The following RBFOX2 variants were observed in gnomAD, a reference collection of about 807,000 sequenced individuals.
The protein encoded by RBFOX2 is RNA binding fox-1 homolog 2.
In RBFOX2, 10 loss-of-function variants were observed where a neutral mutation model predicts 49.1. The observed-to-expected ratio is 0.20, with a 90% CI of 0.13 to 0.35. The LOEUF (loss-of-function observed/expected upper bound fraction) is 0.35, where lower values mean the gene tolerates loss of function less well. RBFOX2 is among the 10% of genes least tolerant of loss of function. The pLI is 1.00. For missense variants in RBFOX2, 323 were observed against 486.9 expected (o/e 0.66, Z 3.17); for synonymous variants, 183 against 187.4 (o/e 0.98, Z 0.19).
chr22:35,808,219 C>G (rs775662464), intron 2 of RBFOX2, among the ~76,000 whole-genome samples: 40 of 152,264 alleles, frequency 2.6e-4, no homozygotes, highest in Non-Finnish European at 5.1e-4. Flanking sequence ...TCAGCCTGTA[C>G]GTTTATGATT....
chr22:35,830,281 C>T (rs548619989), intron 1 of RBFOX2, among the ~76,000 whole-genome samples: 6 of 152,252 alleles, frequency 3.9e-5, no homozygotes, highest in Non-Finnish European at 8.8e-5. Context: ...AATTATAGTA[C>T]CATATAAGCT....
At position 35,825,919 on chromosome 22, in the gene RBFOX2, T is replaced by C. The variant is rs1357090838; in HGVS notation, c.27+14273A>G. On this transcript the variant is annotated intron_variant, in intron 1 of 11. Transcript: ENST00000405409. ...ATCACTTGAACCCGGGAGGTGGAGG[T>C]TGCAGTGAGCCACGATCTCACCATT... Among the ~76,000 whole-genome samples, 4 of 146,018 alleles carry C rather than the reference T, an allele frequency of 2.7e-5. No individual in the cohort carries two copies. The South Asian group carries it at 6.5e-4, about 24-fold the overall frequency.
At chr22:35,762,652 C>T (rs1228135889) in intron 6 of RBFOX2, among the ~76,000 whole-genome samples, 5 of 151,700 alleles carry the variant, frequency 3.3e-5, no homozygotes, top group African/African-American at 9.7e-5. Flanking sequence ...ACTACAGGCA[C>T]GTGCCACCAT....
At chr22:35,856,144 C>T (rs1331669098) in intron 1 of RBFOX2, among the ~76,000 whole-genome samples, 1 of 152,092 alleles carries the variant, frequency 6.6e-6, no homozygotes, top group Non-Finnish European at 1.5e-5. Context: ...TAGAAATAGA[C>T]CTCGTATTTA....
At chr22:36,026,659 A>C (rs2059451482) in intron 1 of RBFOX2, among the ~76,000 whole-genome samples, 1 of 152,120 alleles carries the variant, frequency 6.6e-6, no homozygotes, top group Non-Finnish European at 1.5e-5. Context: ...AGTCTCCCAC[A>C]TTCCTGTCTT....
At chr22:35,774,874 A>G (rs1231305953) in intron 4 of RBFOX2, among the ~76,000 whole-genome samples, 1 of 152,180 alleles carries the variant, frequency 6.6e-6, no homozygotes, top group African/African-American at 2.4e-5. Context: ...CTTTGGAACA[A>G]TTTGATTAAA....
intron 1 of RBFOX2, chr22:35,994,934 G>A (rs2058128149): frequency 6.6e-6 from 1 of 152,122 alleles, no homozygotes; most frequent in Non-Finnish European, 1.5e-5. Context: ...AGAAACATGA[G>A]TGTAGAGCCC....
intron 1 of RBFOX2, among the ~76,000 whole-genome samples, chr22:35,848,387 AAC>A (rs1043916791): frequency 9.9e-5 from 15 of 152,210 alleles, no homozygotes; most frequent in East Asian, 1.9e-4. Flanking sequence ...AAATAACAGA[AAC>A]AGTTATATCA....
intron 1 of RBFOX2, among the ~76,000 whole-genome samples, chr22:35,880,026 C>T (rs2045673098): frequency 6.6e-6 from 1 of 152,120 alleles, no homozygotes; most frequent in Non-Finnish European, 1.5e-5. Flanking sequence ...CATGGTGGCG[C>T]ATACCTGTAA....
intron 1 of RBFOX2, among the ~76,000 whole-genome samples, chr22:35,862,019 G>A (rs1293874591): frequency 3.3e-5 from 5 of 152,116 alleles, no homozygotes; most frequent in African/African-American, 9.7e-5. Context: ...AAGAAGCCAC[G>A]CAAAACAGTA....
At chr22:35,785,835 A>C (rs1375176620) in intron 2 of RBFOX2, among the ~76,000 whole-genome samples, 2 of 152,248 alleles carry the variant, frequency 1.3e-5, no homozygotes, top group Admixed American at 6.5e-5. Context: ...TAAGTAACAC[A>C]AATCCCATTT....
At chr22:35,928,023 A>G (rs890545083) in intron 1 of RBFOX2, among the ~76,000 whole-genome samples, 2 of 152,228 alleles carry the variant, frequency 1.3e-5, no homozygotes, top group East Asian at 3.8e-4. Context: ...AAAATAAATG[A>G]GAAAAATGAC....
At chr22:35,963,086 AAGAC>A (rs2056342395), upstream of RBFOX2, among the ~76,000 whole-genome samples, 2 of 149,164 alleles carry the variant, frequency 1.3e-5, no homozygotes, top group South Asian at 4.2e-4. Flanking sequence ...AAAAAAAAAA[AAGAC>A]AGGAAAGAAG....
exon 1 of RBFOX2, chr22:35,840,266 C>T (rs756600526): frequency 3.1e-5 from 50 of 1,613,920 alleles, no homozygotes; most frequent in South Asian, 3.1e-4. Flanking sequence ...CGTGCTGGGG[C>T]ACACCTCCAC....
At chr22:35,762,030 A>C (rs1439083788) in intron 6 of RBFOX2, among the ~76,000 whole-genome samples, 1 of 152,214 alleles carries the variant, frequency 6.6e-6, no homozygotes, top group African/African-American at 2.4e-5. Context: ...GGGGTTCACC[A>C]ACTAAAAAAG....
At position 36,004,695 on chromosome 22, in the gene RBFOX2, C is replaced by T. The variant is rs1033954406; in HGVS notation, c.186+23545G>A. ...CCTGTAATCCCAGCTACTTGGGAGG[C>T]TGAGGCAGGAGAATCATTTGAACCC... On this transcript the variant is annotated intron_variant, in intron 1 of 13. Transcript: ENST00000438146. 8.5e-5 allele frequency among the ~76,000 whole-genome samples: 13 copies of T among 152,156 alleles called. No individual in the cohort carries two copies. In the East Asian group the frequency reaches 2.5e-3, roughly 29 times the overall value.
chr22:35,926,451 T>C (rs2051651906), intron 1 of RBFOX2, among the ~76,000 whole-genome samples: 1 of 152,180 alleles, frequency 6.6e-6, no homozygotes. Context: ...TACAAATCAA[T>C]TGCCTATATA....
At chr22:35,888,786 CTCTTA>C (rs1161448628) in intron 1 of RBFOX2, among the ~76,000 whole-genome samples, 1 of 152,200 alleles carries the variant, frequency 6.6e-6, no homozygotes, top group African/African-American at 2.4e-5. Flanking sequence ...TTGCCACAAT[CTCTTA>C]TCTTGATTTC....
intron 1 of RBFOX2, among the ~76,000 whole-genome samples, chr22:36,014,258 G>A (rs1281262639): frequency 6.6e-6 from 1 of 151,956 alleles, no homozygotes; most frequent in East Asian, 1.9e-4. Flanking sequence ...GAGTAGCTGG[G>A]ACTACAGGCA....
Sources: gnomAD v4.1 joint callset for allele counts (sites outside exome capture counted in the v4.1 genomes callset) on GRCh38, gnomAD v4.1.1 for gene constraint, MANE v1.5 for transcripts, NCBI Gene and HGNC (gene_info 2026-07-23, HGNC 2026-07-21) for gene names.